GKAP1: variants seen among roughly 807,000 people sequenced by gnomAD.
GKAP1 encodes the protein G kinase anchoring protein 1.
GKAP1 carries 31 observed loss-of-function variants against 56.7 expected under a neutral mutation model. That is an observed-to-expected ratio of 0.55 (90% CI 0.41 to 0.74). The LOEUF is 0.74. Ranked by LOEUF, GKAP1 falls within the 30% of genes least tolerant of loss-of-function variation. The pLI is 0.00. For synonymous variants in GKAP1, 151 were observed against 138.6 expected (o/e 1.09, Z -0.63); for missense variants, 364 against 402.3 (o/e 0.90, Z 0.82).
chr9:83,780,329 A>G (rs927170259), intron 7 of GKAP1, 53 bp downstream of exon 7: 24 of 1,048,340 alleles, frequency 2.3e-5, no homozygotes, highest in Non-Finnish European at 3.0e-5. Flanking sequence ...GTATTTAAGT[A>G]TTATTCTTAA....
intron 12 of GKAP1, 66 bp from the exon 13 acceptor site, chr9:83,739,810 A>C: frequency 1.5e-6 from 2 of 1,320,284 alleles, no homozygotes; most frequent in South Asian, 2.5e-5. Context: ...ACTTCATTTA[A>C]AAAATATAGA....
At chr9:83,749,406 C>T (rs929032496) in intron 9 of GKAP1, among the ~76,000 whole-genome samples, 15 of 151,728 alleles carry the variant, frequency 9.9e-5, no homozygotes, top group African/African-American at 3.6e-4. Flanking sequence ...TTTGTATTTT[C>T]AGTACAGATG....
At chr9:83,746,300 T>C (rs1943292283) in intron 10 of GKAP1, among the ~76,000 whole-genome samples, 1 of 152,214 alleles carries the variant, frequency 6.6e-6, no homozygotes, top group South Asian at 2.1e-4. Context: ...TACAATTGCT[T>C]GCAGGACATC....
chr9:83,745,017 C>G (rs941637831), intron 10 of GKAP1, among the ~76,000 whole-genome samples: 1 of 152,068 alleles, frequency 6.6e-6, no homozygotes, highest in African/African-American at 2.4e-5. Flanking sequence ...TATTACAATT[C>G]AAGGTGAGAT....
At chr9:83,799,094 G>C in intron 4 of GKAP1, 91 bp downstream of exon 4, 1 of 1,085,700 alleles carries the variant, frequency 9.2e-7, no homozygotes, top group Non-Finnish European at 1.4e-6. Context: ...TTGCTTCTCA[G>C]AACAGTGGTG....
chr9:83,800,402 T>C lies in GKAP1; in HGVS notation c.217-1074A>G, dbSNP rs573024960. On this transcript the variant is annotated intron_variant, in intron 3 of 12. Coordinates refer to ENST00000376371, the MANE Select transcript of GKAP1 (RefSeq NM_025211.4). ...CCAGCTGGAATGCAGTGGCACAATC[T>C]CGCTCACTGTAACCTCCGCCTCCCA... is the stretch of plus-strand genomic sequence containing the variant. 2.6e-4 allele frequency among the ~76,000 whole-genome samples: 39 copies of C among 148,296 alleles called. No individual in the cohort carries two copies. In the South Asian group the frequency reaches 6.7e-3, roughly 25 times the overall value.
At chr9:83,780,137 T>C (rs150671188) in intron 7 of GKAP1, among the ~76,000 whole-genome samples, 3 of 152,166 alleles carry the variant, frequency 2.0e-5, no homozygotes, top group South Asian at 2.1e-4. Context: ...CATACACATA[T>C]ATATACAAAT....
chr9:83,791,140 T>C lies in GKAP1; in HGVS notation c.361-2462A>G, dbSNP rs189796377. Among the ~76,000 whole-genome samples, 76 of 152,278 alleles carry C rather than the reference T, an allele frequency of 5.0e-4. 1 individual carries two copies. The South Asian group carries it at 6.4e-3, about 13-fold the overall frequency. ...ATTTTAGGCCAGGCGTGGTGGCTCA[T>C]GCCTGTAATCCCAGCACTTTGGGAG... On this transcript the variant is annotated intron_variant, in intron 4 of 12. Coordinates refer to ENST00000376371, the MANE Select transcript of GKAP1 (RefSeq NM_025211.4).
At chr9:83,751,070 C>T (rs1309038533) in intron 9 of GKAP1, among the ~76,000 whole-genome samples, 1 of 152,066 alleles carries the variant, frequency 6.6e-6, no homozygotes, top group Non-Finnish European at 1.5e-5. Context: ...CTCCTGACCT[C>T]GTGATCCGCC....
At chr9:83,784,546 G>A (rs779088604) in intron 6 of GKAP1, among the ~76,000 whole-genome samples, 169 bp downstream of exon 6, 1 of 152,108 alleles carries the variant, frequency 6.6e-6, no homozygotes, top group Non-Finnish European at 1.5e-5. Context: ...CAGGTACTCT[G>A]TTACAGCAGT....
intron 5 of GKAP1, among the ~76,000 whole-genome samples, chr9:83,788,151 G>A (rs538750137): frequency 6.6e-6 from 1 of 152,230 alleles, no homozygotes; most frequent in South Asian, 2.1e-4. Context: ...GGTGGCTCAC[G>A]CCTGTAGTCC....
intron 2 of GKAP1, among the ~76,000 whole-genome samples, chr9:83,812,611 A>G (rs1352134959): frequency 1.3e-5 from 2 of 151,320 alleles, no homozygotes; most frequent in African/African-American, 4.9e-5. Flanking sequence ...AAGTGCTGGG[A>G]TTACAGGAAT....
chr9:83,777,886 T>C (rs1465060180), intron 7 of GKAP1, among the ~76,000 whole-genome samples: 1 of 152,186 alleles, frequency 6.6e-6, no homozygotes, highest in African/African-American at 2.4e-5. Context: ...AAAAAGATCT[T>C]CTAAATTTCT....
rs1587750909 is a variant in GKAP1, at chr9:83,816,500, G to A, written c.-44+496C>T. On this transcript the variant is annotated intron_variant, in intron 2 of 12. Transcript: ENST00000376371. ...TGGGTTTTGCTCTTACTCCAGAATT[G>A]AAGCTACTATAGTGTTATAAATCTG... 2.6e-5 allele frequency among the ~76,000 whole-genome samples: 4 copies of A among 152,324 alleles called. No homozygotes were observed. In the East Asian group the frequency reaches 7.7e-4, roughly 29 times the overall value.
In GKAP1 at chr9:83,806,289, A is replaced by G. The variant is rs757791709; in HGVS notation, c.216+13T>C. Reference sequence around the variant, plus strand: ...TCTACTGGGAAAGCAGACAACACAGATAATTGTGTTACCTCATTTGCTTCA... The same window carrying G: ...TCTACTGGGAAAGCAGACAACACAGGTAATTGTGTTACCTCATTTGCTTCA... On this transcript the variant is annotated intron_variant, in intron 3 of 12. Coordinates refer to ENST00000376371, the MANE Select transcript of GKAP1 (RefSeq NM_025211.4). 6.7e-6 allele frequency: 10 copies of G among 1,485,334 alleles called. No homozygotes were observed. In the Admixed American group the frequency reaches 7.9e-5, roughly 12 times the overall value. The allele number at this position is 1,485,334 out of a possible 1,614,324, so 92.0% of individuals were successfully genotyped here.
chr9:83,810,825 A>G (rs1483199566), intron 2 of GKAP1, among the ~76,000 whole-genome samples: 2 of 152,256 alleles, frequency 1.3e-5, no homozygotes, highest in African/African-American at 2.4e-5. Context: ...GTTGTGAGAA[A>G]TGCATCATTA....
At chr9:83,758,975 C>T (rs1751646682) in intron 8 of GKAP1, among the ~76,000 whole-genome samples, 1 of 152,056 alleles carries the variant, frequency 6.6e-6, no homozygotes, top group African/African-American at 2.4e-5. Flanking sequence ...CTCCTTTACA[C>T]TTAATGAAAG....
At chr9:83,761,866 T>TA (rs1564193849) in intron 8 of GKAP1, among the ~76,000 whole-genome samples, 1 of 152,070 alleles carries the variant, frequency 6.6e-6, no homozygotes, top group Non-Finnish European at 1.5e-5. Context: ...CGCTTCATGA[T>TA]AAAAACCTTC....
chr9:83,806,259 T>C (rs898282109), intron 3 of GKAP1, 43 bp downstream of exon 3: 1 of 1,275,830 alleles, frequency 7.8e-7, no homozygotes, highest in Non-Finnish European at 1.1e-6. Flanking sequence ...TCAGGATGAT[T>C]ACCATCTACT....
Sources: gnomAD v4.1 joint callset for allele counts (sites outside exome capture counted in the v4.1 genomes callset) on GRCh38, gnomAD v4.1.1 for gene constraint, MANE v1.5 for transcripts, NCBI Gene and HGNC (gene_info 2026-07-23, HGNC 2026-07-21) for gene names.